Variants in PTPRK observed in about 807,000 individuals in gnomAD.
The protein encoded by PTPRK is protein tyrosine phosphatase receptor type K, also known as receptor-type tyrosine-protein phosphatase kappa.
A neutral mutation model predicts 178.0 loss-of-function variants in PTPRK; 75 were observed. The observed-to-expected ratio is 0.42, with a 90% CI of 0.35 to 0.51. PTPRK has a LOEUF of 0.51. PTPRK is among the 20% of genes least tolerant of loss of function. PTPRK has a pLI of 0.02. For synonymous variants in PTPRK, 637 were observed against 620.6 expected (o/e 1.03, Z -0.39); for missense variants, 1,441 against 1,797.8 (o/e 0.80, Z 3.59).
At chr6:128,215,801 T>C (rs1809173107) in intron 6 of PTPRK, among the ~76,000 whole-genome samples, 1 of 152,136 alleles carries the variant, frequency 6.6e-6, no homozygotes. Context: ...TTAAAGACTA[T>C]TCATATCACT....
intron 8 of PTPRK, among the ~76,000 whole-genome samples, chr6:128,087,627 A>T (rs1355528804): frequency 6.6e-6 from 1 of 152,030 alleles, no homozygotes; most frequent in Non-Finnish European, 1.5e-5. Context: ...GTGTTGTTTA[A>T]ATGTTGTTGC....
At chr6:128,361,275 C>T (rs1834701291) in intron 2 of PTPRK, among the ~76,000 whole-genome samples, 1 of 152,018 alleles carries the variant, frequency 6.6e-6, no homozygotes, top group Non-Finnish European at 1.5e-5. Context: ...TCAGTTTGTG[C>T]CCATGAATAG....
chr6:127,999,877 C>T (rs1272375032), intron 15 of PTPRK: 1 of 761,816 alleles, frequency 1.3e-6, no homozygotes, highest in Non-Finnish European at 1.6e-6. Context: ...TCCCTGACCA[C>T]TCACAATTAA....
intron 1 of PTPRK, among the ~76,000 whole-genome samples, chr6:128,432,745 A>AACACACAC (rs4053237): frequency 0.087 from 12,719 of 146,212 alleles, 770 homozygotes; most frequent in African/African-American, 0.17. Context: ...TGTGTTCACA[A>AACACACAC]ACACACACAC....
At chr6:127,972,435 T>TCA (rs111958203) in intron 29 of PTPRK, among the ~76,000 whole-genome samples, 12 of 152,072 alleles carry the variant, frequency 7.9e-5, no homozygotes, top group Non-Finnish European at 1.3e-4. Flanking sequence ...AGATGAACTG[T>TCA]CACACACACA....
intron 3 of PTPRK, among the ~76,000 whole-genome samples, chr6:128,249,298 T>TTAAA (rs1554372270): frequency 0.022 from 2,903 of 132,822 alleles, 85 homozygotes; most frequent in African/African-American, 0.074. Flanking sequence ...TGGTGTGATT[T>TTAAA]AAAAAAAAAA....
chr6:128,161,360 CA>C (rs1157243001), intron 7 of PTPRK, among the ~76,000 whole-genome samples: 1 of 151,536 alleles, frequency 6.6e-6, no homozygotes, highest in Non-Finnish European at 1.5e-5. Flanking sequence ...GATTTATCTT[CA>C]TCACCCACAG....
intron 1 of PTPRK, among the ~76,000 whole-genome samples, chr6:128,414,071 G>A (rs1042476473): frequency 6.6e-6 from 1 of 152,138 alleles, no homozygotes; most frequent in African/African-American, 2.4e-5. Context: ...ACTGAGTAGA[G>A]CAACAAATTC....
At chr6:128,296,932 A>G (rs921460553) in intron 3 of PTPRK, among the ~76,000 whole-genome samples, 1 of 152,024 alleles carries the variant, frequency 6.6e-6, no homozygotes, top group Non-Finnish European at 1.5e-5. Flanking sequence ...AGACTGGCAA[A>G]TCGGATAAAG....
In PTPRK at chr6:128,416,572, C is replaced by G. The variant is rs181951895; in HGVS notation, c.101-18884G>C. 4.6e-5 allele frequency among the ~76,000 whole-genome samples: 7 copies of G among 150,650 alleles called. No individual in the cohort carries two copies. The South Asian group carries it at 1.1e-3, about 23-fold the overall frequency. On this transcript the variant is annotated intron_variant, in intron 1 of 29. Transcript: ENST00000368226. ...CTGAGGCAGGAGAATGGCGTGAACC[C>G]GGGAGTCAGAGCTTGCAGTGAGCCG...
At chr6:128,375,086 A>G (rs993913587) in intron 2 of PTPRK, among the ~76,000 whole-genome samples, 2 of 147,184 alleles carry the variant, frequency 1.4e-5, no homozygotes, top group Admixed American at 1.4e-4. Context: ...TATTATTATT[A>G]TTATTATTAT....
chr6:128,405,826 C>A (rs1386949267), intron 1 of PTPRK, among the ~76,000 whole-genome samples: 2 of 151,924 alleles, frequency 1.3e-5, no homozygotes, highest in African/African-American at 4.8e-5. Flanking sequence ...GGGCAAAGAC[C>A]TGCTTTGAGG....
intron 7 of PTPRK, among the ~76,000 whole-genome samples, chr6:128,121,154 C>T (rs1429610409): frequency 6.6e-6 from 1 of 151,770 alleles, no homozygotes; most frequent in Non-Finnish European, 1.5e-5. Context: ...ACTTTGAAAA[C>T]ATAACTTAAA....
At chr6:127,983,443 C>CT (rs1322022161) in intron 22 of PTPRK, 66 bp from the exon 23 acceptor site, 3 of 1,524,520 alleles carry the variant, frequency 2.0e-6, no homozygotes, top group Non-Finnish European at 2.7e-6. Flanking sequence ...TAAATAAGGA[C>CT]TTTTTCCACT....
At chr6:127,996,690 C>T (rs1777190858) in intron 17 of PTPRK, among the ~76,000 whole-genome samples, 1 of 152,100 alleles carries the variant, frequency 6.6e-6, no homozygotes, top group Non-Finnish European at 1.5e-5. Flanking sequence ...AGGCTGGTCT[C>T]AACCTCCTGA....
chr6:128,433,144 T>C (rs570328368), intron 1 of PTPRK, among the ~76,000 whole-genome samples: 1 of 152,226 alleles, frequency 6.6e-6, no homozygotes, highest in Non-Finnish European at 1.5e-5. Context: ...TCTACCTATT[T>C]TGAAATATAC....
At chr6:128,474,177 A>AAAACAAAC (rs10645749) in intron 1 of PTPRK, among the ~76,000 whole-genome samples, 34,462 of 151,074 alleles carry the variant, frequency 0.23, 4,359 homozygotes, top group African/African-American at 0.32. Context: ...ATGGTAGGGG[A>AAAACAAAC]AAACAAACAA....
intron 7 of PTPRK, among the ~76,000 whole-genome samples, chr6:128,121,288 C>T (rs1235496190): frequency 1.3e-5 from 2 of 152,030 alleles, no homozygotes; most frequent in African/African-American, 4.8e-5. Context: ...GACAATATCA[C>T]TCCCAGTAGG....
chr6:128,143,566 C>T (rs1011465965), intron 7 of PTPRK, among the ~76,000 whole-genome samples: 1 of 152,080 alleles, frequency 6.6e-6, no homozygotes, highest in Non-Finnish European at 1.5e-5. Context: ...GCACCATTTC[C>T]AAACACCAAT....
Sources: allele counts gnomAD v4.1 joint callset (sites outside exome capture counted in the v4.1 genomes callset), GRCh38; gene constraint gnomAD v4.1.1; transcripts MANE v1.5; gene names NCBI Gene and HGNC (gene_info 2026-07-23, HGNC 2026-07-21).